Variants in UCHL5 observed in about 807,000 individuals in gnomAD.
UCHL5 encodes the protein ubiquitin carboxyl-terminal hydrolase isozyme L5.
Under a neutral mutation model 53.8 loss-of-function variants are expected in UCHL5, and 34 were observed. The ratio of observed to expected loss-of-function variants is 0.63; its 90% CI spans 0.48 to 0.84. The LOEUF is 0.84. Ranked by LOEUF, UCHL5 falls within the 40% of genes least tolerant of loss-of-function variation. The pLI is 0.00. For missense variants in UCHL5, 290 were observed against 385.6 expected (o/e 0.75, Z 2.08); for synonymous variants, 111 against 126.3 (o/e 0.88, Z 0.81).
intron 3 of UCHL5, among the ~76,000 whole-genome samples, chr1:193,033,707 TAAAG>T (rs911947930): frequency 6.6e-6 from 1 of 151,672 alleles, no homozygotes; most frequent in African/African-American, 2.4e-5. Flanking sequence ...GAAGACTCTA[TAAAG>T]AAAGATACAC....
At chr1:193,059,808 C>T (rs1049331478), upstream of UCHL5, 4 of 1,356,952 alleles carry the variant, frequency 2.9e-6, no homozygotes, top group African/African-American at 5.9e-5. The surrounding 1 kb of genome is among the most constrained non-coding windows in gnomAD (Gnocchi z 4.9). Context: ...GGCTGGGAGC[C>T]TTTTGTGCGG....
intron 3 of UCHL5, among the ~76,000 whole-genome samples, chr1:193,042,268 G>A (rs565484702): frequency 5.8e-4 from 88 of 152,236 alleles, no homozygotes; most frequent in African/African-American, 1.3e-3. Context: ...GATGGAGAGA[G>A]GGAAGACGAG....
chr1:193,042,847 G>A (rs2102704589), intron 3 of UCHL5, among the ~76,000 whole-genome samples: 1 of 152,196 alleles, frequency 6.6e-6, no homozygotes, highest in South Asian at 2.1e-4. Flanking sequence ...TGCATCTGTA[G>A]GCTAGAGTAC....
At position 193,029,273 on chromosome 1, in the gene UCHL5, T is replaced by C; in HGVS notation, c.471A>G (p.Ala157=). The C allele has an allele frequency of 6.2e-7, 1 of 1,613,874 alleles. No homozygotes were observed. Among genetic ancestry groups the C allele is most frequent in the Admixed American group, 1.7e-5 (1 of 59,996 alleles). ...CAAAGTGAAAAGCATCTTCTTCTTT[T>C]GCTGATGTCTTCGTATCAAATTCAA... ...QMFEFDTKTS[A]KEEDAFHFVS... The change falls in exon 6 of 11, where the codon GCA becomes GCG. Residue 157 remains alanine (A), a synonymous_variant. Coordinates refer to ENST00000367454, the MANE Select transcript of UCHL5 (RefSeq NM_001199261.3).
chr1:193,019,425 T>C (rs901863521), intron 10 of UCHL5, among the ~76,000 whole-genome samples: 2 of 151,686 alleles, frequency 1.3e-5, no homozygotes, highest in Non-Finnish European at 3.0e-5. Flanking sequence ...CAATTCCAAT[T>C]AAATGAGTCT....
At chr1:193,021,014 T>C in intron 10 of UCHL5, 83 bp downstream of exon 10, 1 of 1,070,548 alleles carries the variant, frequency 9.3e-7, no homozygotes, top group East Asian at 2.6e-5. Flanking sequence ...ATTTTACCTC[T>C]ATTCAAGCAA....
Position 193,040,650 on chromosome 1 carries a change from C to T in UCHL5, c.246+9096G>A, listed in dbSNP as rs145745430. On this transcript the variant is annotated intron_variant, in intron 3 of 10. Coordinates refer to ENST00000367454, the MANE Select transcript of UCHL5 (RefSeq NM_001199261.3). ...CAATCCACTACTGGGTATACAGATCCGAAAGAAGGGAAATAAATATATCAA... is the reference window on the plus strand; with the variant it reads ...CAATCCACTACTGGGTATACAGATCTGAAAGAAGGGAAATAAATATATCAA... Among the ~76,000 whole-genome samples, 296 of 152,114 alleles carry T rather than the reference C, an allele frequency of 1.9e-3. 1 individual carries two copies. Among genetic ancestry groups the T allele is most frequent in the African/African-American group, 6.7e-3 (277 of 41,484 alleles).
At chr1:193,018,872 T>G in intron 10 of UCHL5, 1 of 1,504,572 alleles carries the variant, frequency 6.6e-7, no homozygotes, top group East Asian at 2.4e-5. Context: ...TATTTCTGAA[T>G]TCTATAGGTA....
intron 3 of UCHL5, among the ~76,000 whole-genome samples, chr1:193,049,173 GA>G (rs1478677524): frequency 6.6e-6 from 1 of 152,168 alleles, no homozygotes; most frequent in Non-Finnish European, 1.5e-5. Flanking sequence ...AGCACTTTGG[GA>G]GGCCAAGGCG....
At chr1:193,038,325 G>A (rs1201400887) in intron 3 of UCHL5, among the ~76,000 whole-genome samples, 1 of 151,898 alleles carries the variant, frequency 6.6e-6, no homozygotes, top group Non-Finnish European at 1.5e-5. Context: ...GCATGGTGGC[G>A]GACGCCTGTA....
intron 3 of UCHL5, among the ~76,000 whole-genome samples, chr1:193,042,557 T>C (rs1298405789): frequency 6.6e-6 from 1 of 152,180 alleles, no homozygotes; most frequent in Non-Finnish European, 1.5e-5. Flanking sequence ...TTAAAGGTGG[T>C]AATACTTTAT....
At chr1:193,020,933 T>C (rs748724497) in intron 10 of UCHL5, among the ~76,000 whole-genome samples, 164 bp downstream of exon 10, 16 of 151,988 alleles carry the variant, frequency 1.1e-4, no homozygotes, top group East Asian at 3.8e-4. Context: ...ACAGTCTCAA[T>C]TGAACTAATT....
upstream of UCHL5, chr1:193,059,658 T>C (rs776074192): frequency 6.5e-6 from 9 of 1,377,676 alleles, no homozygotes; most frequent in Admixed American, 3.9e-5. The surrounding 1 kb of genome is among the most constrained non-coding windows in gnomAD (Gnocchi z 4.9). Flanking sequence ...GCAGTGGGGC[T>C]GTTGCTGTTG....
At chr1:193,038,349 G>A (rs866073871) in intron 3 of UCHL5, among the ~76,000 whole-genome samples, 50 of 151,916 alleles carry the variant, frequency 3.3e-4, no homozygotes, top group Middle Eastern at 6.8e-3. Flanking sequence ...CCAGCTACTC[G>A]GGAGGCTGAG....
At chr1:193,023,162 C>T in intron 8 of UCHL5, 126 bp from the exon 9 acceptor site, 6 of 660,800 alleles carry the variant, frequency 9.1e-6, no homozygotes, top group South Asian at 3.9e-5. Flanking sequence ...TAGCAGCATG[C>T]CCGCCTAACA....
Position 193,032,020 on chromosome 1 carries a change from T to TAAAC in UCHL5, c.247-2364_247-2363insGTTT, listed in dbSNP as rs1376768460. Among the ~76,000 whole-genome samples, 3 of 152,286 alleles carry TAAAC rather than the reference T, an allele frequency of 2.0e-5. No individual in the cohort carries two copies. In the East Asian group the frequency reaches 5.8e-4, roughly 29 times the overall value. On this transcript the variant is annotated intron_variant, in intron 3 of 10. Coordinates refer to ENST00000367454, the MANE Select transcript of UCHL5 (RefSeq NM_001199261.3). Reference sequence around the variant, plus strand: ...CTGACCCAGAACCTTAAGAGTTTGGTTTGAATTCCTACGCCAGGGTATATA... The same window carrying TAAAC: ...CTGACCCAGAACCTTAAGAGTTTGGTAAACTTGAATTCCTACGCCAGGGTATATA...
Position 193,030,047 on chromosome 1 carries a change from C to T in UCHL5, c.247-390G>A, listed in dbSNP as rs184172739. ...TTAGTATTTTATAACCGAGCATAAG[C>T]TTCAATTCACCTGTGTGATTGTAGA... On this transcript the variant is annotated intron_variant, in intron 3 of 10. Coordinates refer to ENST00000367454, the MANE Select transcript of UCHL5 (RefSeq NM_001199261.3). Among the ~76,000 whole-genome samples, 173 of 152,292 alleles carry T rather than the reference C, an allele frequency of 1.1e-3. 2 individuals are homozygous for T. Among genetic ancestry groups the T allele is most frequent in the Non-Finnish European group, 1.6e-3 (109 of 67,998 alleles).
At position 193,022,979 on chromosome 1, in the gene UCHL5, C is replaced by T; in HGVS notation, c.790G>A (p.Ala264Thr). Reference protein sequence around the residue: ...SMLSAIQSEVAKNQMLIEEEV... With the variant: ...SMLSAIQSEVTKNQMLIEEEV... ...TCTTCAATAAGCATCTGATTTTTGG[C>T]AACTTCTGACTGAATAGCACTTAAC... is the stretch of plus-strand genomic sequence containing the variant. Residue 264 changes from alanine (A) to threonine (T), a missense_variant, in exon 9 of 11, where the codon GCC (alanine) becomes ACC (threonine). By Grantham distance (58) the Ala-to-Thr change is moderately conservative (BLOSUM62 0). Coordinates refer to ENST00000367454, the MANE Select transcript of UCHL5 (RefSeq NM_001199261.3). 1 of 1,613,250 alleles carries T rather than the reference C, an allele frequency of 6.2e-7. No individual in the cohort carries two copies. The highest frequency in any genetic ancestry group is 1.1e-5 in the South Asian group (1 of 91,072).
chr1:193,042,251 T>G (rs1478800004), intron 3 of UCHL5, among the ~76,000 whole-genome samples: 6 of 152,182 alleles, frequency 3.9e-5, no homozygotes, highest in Admixed American at 1.3e-4. Context: ...ACATAAGGGT[T>G]ACACTGGATG....
Sources: allele counts gnomAD v4.1 joint callset (sites outside exome capture counted in the v4.1 genomes callset), GRCh38; gene constraint gnomAD v4.1.1; non-coding constraint Gnocchi (gnomAD v3.1); transcripts MANE v1.5; gene names NCBI Gene and HGNC (gene_info 2026-07-23, HGNC 2026-07-21).